The following CDH4 variants were observed in gnomAD, a reference collection of about 807,000 sequenced individuals.
CDH4 encodes the protein cadherin 4.
CDH4 carries 33 observed loss-of-function variants against 86.0 expected under a neutral mutation model. The observed-to-expected ratio is 0.38, with a 90% confidence interval of 0.29 to 0.51. The LOEUF is 0.51. CDH4 is among the 20% of genes least tolerant of loss of function. The pLI, the probability that CDH4 is intolerant of heterozygous loss-of-function variation, is 0.86. For missense variants in CDH4, 1,114 were observed against 1,307.4 expected (o/e 0.85, Z 2.28); for synonymous variants, 555 against 549.4 (o/e 1.01, Z -0.14).
intron 2 of CDH4, among the ~76,000 whole-genome samples, chr20:61,257,899 G>A (rs903567858): frequency 6.6e-6 from 1 of 152,150 alleles, no homozygotes; most frequent in Non-Finnish European, 1.5e-5. Flanking sequence ...AGTGGGAACC[G>A]AGGGCTCCCG....
At chr20:61,787,865 G>T (rs978125989) in intron 4 of CDH4, among the ~76,000 whole-genome samples, 2 of 152,184 alleles carry the variant, frequency 1.3e-5, no homozygotes, top group African/African-American at 4.8e-5. Context: ...CTTAGAGGAA[G>T]AGCCAGGATG....
chr20:61,349,521 G>C (rs2084697850), intron 2 of CDH4, among the ~76,000 whole-genome samples: 1 of 152,254 alleles, frequency 6.6e-6, no homozygotes, highest in Non-Finnish European at 1.5e-5. Context: ...GGTGAGCGCA[G>C]AGCCAGGATC....
chr20:61,602,034 C>T (rs1250124717), intron 2 of CDH4, among the ~76,000 whole-genome samples: 1 of 152,198 alleles, frequency 6.6e-6, no homozygotes, highest in Non-Finnish European at 1.5e-5. Flanking sequence ...GCTGGCAAAG[C>T]GTTTGACTCC....
chr20:61,311,166 A>G (rs973776214), intron 2 of CDH4, among the ~76,000 whole-genome samples: 14 of 152,124 alleles, frequency 9.2e-5, no homozygotes, highest in Admixed American at 9.2e-4. Context: ...AAGTGGATCA[A>G]ACGTTTAAAA....
chr20:61,415,758 G>A (rs2085143562), intron 2 of CDH4, among the ~76,000 whole-genome samples: 1 of 151,990 alleles, frequency 6.6e-6, no homozygotes, highest in Non-Finnish European at 1.5e-5. Flanking sequence ...GAAGTGCAGT[G>A]GCACAATCTC....
intron 4 of CDH4, among the ~76,000 whole-genome samples, chr20:61,781,496 G>A (rs924287285): frequency 3.3e-5 from 5 of 152,204 alleles, no homozygotes; most frequent in Non-Finnish European, 5.9e-5. Flanking sequence ...ATCTCTAACG[G>A]AAAACTCACT....
At chr20:61,434,924 T>C (rs1311429757) in intron 2 of CDH4, 1 of 152,224 alleles carries the variant, frequency 6.6e-6, no homozygotes, top group Non-Finnish European at 1.5e-5. Context: ...TCTTTTAATA[T>C]GTCTTATTAA....
intron 4 of CDH4, among the ~76,000 whole-genome samples, chr20:61,831,531 C>T (rs1261324370): frequency 6.6e-6 from 1 of 152,264 alleles, no homozygotes; most frequent in Non-Finnish European, 1.5e-5. Context: ...CCCTGACCTT[C>T]CATTAATACC....
intron 2 of CDH4, among the ~76,000 whole-genome samples, chr20:61,434,417 T>C (rs1345295572): frequency 6.6e-6 from 1 of 152,198 alleles, no homozygotes; most frequent in Non-Finnish European, 1.5e-5. Flanking sequence ...ACGTGGGTGA[T>C]TTGTGGAACA....
intron 2 of CDH4, among the ~76,000 whole-genome samples, chr20:61,272,148 G>A (rs2084186852): frequency 6.6e-6 from 1 of 152,226 alleles, no homozygotes; most frequent in Non-Finnish European, 1.5e-5. Flanking sequence ...CCCCGAGGCT[G>A]CAGCCTGCTG....
chr20:61,766,039 C>T (rs2088694450), intron 3 of CDH4, among the ~76,000 whole-genome samples: 2 of 152,026 alleles, frequency 1.3e-5, no homozygotes, highest in Admixed American at 1.3e-4. Flanking sequence ...ATGCTGGGCC[C>T]AGCCCTGGGT....
intron 3 of CDH4, among the ~76,000 whole-genome samples, chr20:61,757,288 G>A (rs1443264161): frequency 6.6e-6 from 1 of 152,162 alleles, no homozygotes; most frequent in Non-Finnish European, 1.5e-5. Flanking sequence ...TGGGCCGTCA[G>A]TATTAGGTTT....
rs368867739 is a variant in CDH4 at position 61,489,109 on chromosome 20, C to G, written c.169+234172C>G. Reference sequence around the variant, plus strand: ...TCCTGGGTATTAAGTCTGGGCAACCCCATCTCCTCCCAGCCTCACTAACAC... The same window carrying G: ...TCCTGGGTATTAAGTCTGGGCAACCGCATCTCCTCCCAGCCTCACTAACAC... On this transcript the variant is annotated intron_variant, in intron 2 of 15. Transcript: ENST00000614565. 4.6e-5 allele frequency among the ~76,000 whole-genome samples: 7 copies of G among 152,292 alleles called. No individual in the cohort carries two copies. In the South Asian group the frequency reaches 1.5e-3, roughly 32 times the overall value.
intron 3 of CDH4, among the ~76,000 whole-genome samples, chr20:61,762,318 T>TA (rs1786946712): frequency 6.6e-6 from 1 of 152,246 alleles, no homozygotes; most frequent in African/African-American, 2.4e-5. Flanking sequence ...ATCTGGTATG[T>TA]AAAAAAGTTC....
At chr20:61,273,342 T>A (rs374881492) in intron 2 of CDH4, among the ~76,000 whole-genome samples, 43 of 53,128 alleles carry the variant, frequency 8.1e-4, no homozygotes, top group East Asian at 2.1e-3. Flanking sequence ...GGAGAGTACC[T>A]TGTGCAGTTT....
intron 3 of CDH4, among the ~76,000 whole-genome samples, chr20:61,764,568 C>T (rs906143548): frequency 5.3e-5 from 8 of 152,100 alleles, no homozygotes; most frequent in African/African-American, 1.9e-4. Context: ...ACACACCTTC[C>T]GCGCAGGGCC....
intron 7 of CDH4, among the ~76,000 whole-genome samples, chr20:61,885,012 C>T (rs1401855387): frequency 1.3e-5 from 2 of 152,080 alleles, no homozygotes; most frequent in Non-Finnish European, 2.9e-5. Flanking sequence ...CAGAATCTGG[C>T]CAGAACGACT....
At chr20:61,354,293 C>G (rs946054742) in intron 2 of CDH4, among the ~76,000 whole-genome samples, 1 of 152,168 alleles carries the variant, frequency 6.6e-6, no homozygotes, top group Non-Finnish European at 1.5e-5. Context: ...GACAGTCCTC[C>G]TGGATCCCCC....
chr20:61,447,219 C>A (rs6062083), intron 2 of CDH4, among the ~76,000 whole-genome samples: 12 of 151,952 alleles, frequency 7.9e-5, no homozygotes, highest in African/African-American at 2.9e-4. Flanking sequence ...TGCGGTGGTG[C>A]GATCTCAGCT....
Sources: allele counts gnomAD v4.1 joint callset (sites outside exome capture counted in the v4.1 genomes callset), GRCh38; gene constraint gnomAD v4.1.1; transcripts MANE v1.5; gene names NCBI Gene and HGNC (gene_info 2026-07-23, HGNC 2026-07-21).